Variants in FRMD5 observed in about 807,000 individuals in gnomAD.
FRMD5 encodes FERM domain containing 5.
In FRMD5, 20 loss-of-function variants were observed where a neutral mutation model predicts 69.0. The ratio of observed to expected loss-of-function variants is 0.29; its 90% CI spans 0.20 to 0.42. The LOEUF (loss-of-function observed/expected upper bound fraction) is 0.42. Ranked by LOEUF, FRMD5 falls within the 10% of genes least tolerant of loss-of-function variation. FRMD5 has a pLI of 1.00. For synonymous variants in FRMD5, 271 were observed against 260.1 expected (o/e 1.04, Z -0.40); for missense variants, 595 against 708.6 (o/e 0.84, Z 1.82).
At chr15:44,196,752 T>TCTCTCTC (rs1566999527), upstream of FRMD5, among the ~76,000 whole-genome samples, 125 of 71,990 alleles carry the variant, frequency 1.7e-3, no homozygotes, top group African/African-American at 5.2e-3. Flanking sequence ...CTCTCTCTCT[T>TCTCTCTC]TCTCTCTCTC....
At chr15:43,904,122 G>A (rs1483047365) in intron 6 of FRMD5, among the ~76,000 whole-genome samples, 1 of 152,214 alleles carries the variant, frequency 6.6e-6, no homozygotes, top group East Asian at 1.9e-4. Flanking sequence ...CAAGGCATGG[G>A]CAGAGGGGTC....
intron 4 of FRMD5, among the ~76,000 whole-genome samples, chr15:43,917,124 A>C (rs970450889): frequency 1.8e-4 from 28 of 152,072 alleles, no homozygotes; most frequent in African/African-American, 6.8e-4. Flanking sequence ...CAAGATAACC[A>C]TACATTTCCA....
At chr15:44,059,049 C>A (rs1739419698) in intron 1 of FRMD5, among the ~76,000 whole-genome samples, 1 of 152,146 alleles carries the variant, frequency 6.6e-6, no homozygotes, top group African/African-American at 2.4e-5. Context: ...ACCTGTGCAA[C>A]TGGCAGAGAA....
At chr15:44,046,112 A>C (rs1455295852) in intron 1 of FRMD5, among the ~76,000 whole-genome samples, 2 of 152,178 alleles carry the variant, frequency 1.3e-5, no homozygotes, top group Admixed American at 6.5e-5. Flanking sequence ...GACAGAGTAC[A>C]TACTCAGCAA....
chr15:44,070,323 G>GAAAAAAAAAAAAAAAAAA (rs77770563), intron 1 of FRMD5, among the ~76,000 whole-genome samples: 1 of 132,640 alleles, frequency 7.5e-6, no homozygotes, highest in Non-Finnish European at 1.6e-5. Flanking sequence ...ATAAAAATAA[G>GAAAAAAAAAAAAAAAAAA]AAAAAAAAAA....
chr15:43,941,187 T>C (rs1288195766), intron 1 of FRMD5, among the ~76,000 whole-genome samples: 1 of 152,096 alleles, frequency 6.6e-6, no homozygotes, highest in Non-Finnish European at 1.5e-5. Flanking sequence ...AGCAACATGG[T>C]GAAACCCCAT....
At chr15:43,992,232 G>A (rs374902990) in intron 1 of FRMD5, among the ~76,000 whole-genome samples, 10 of 151,974 alleles carry the variant, frequency 6.6e-5, no homozygotes, top group East Asian at 1.9e-4. Context: ...TTAATCTGAC[G>A]TGGAGTTTTA....
intron 12 of FRMD5, among the ~76,000 whole-genome samples, chr15:43,884,408 C>T (rs924200854): frequency 6.6e-6 from 1 of 152,130 alleles, no homozygotes; most frequent in African/African-American, 2.4e-5. Context: ...TTCATATGAT[C>T]GACTGGTTCC....
At chr15:44,019,199 G>T (rs182355147) in intron 1 of FRMD5, among the ~76,000 whole-genome samples, 38 of 151,994 alleles carry the variant, frequency 2.5e-4, no homozygotes, top group African/African-American at 9.2e-4. Flanking sequence ...TGGCTGATGT[G>T]GGCATATATT....
At chr15:44,109,078 A>T (rs2076761309) in intron 1 of FRMD5, among the ~76,000 whole-genome samples, 1 of 152,136 alleles carries the variant, frequency 6.6e-6, no homozygotes, top group African/African-American at 2.4e-5. Flanking sequence ...GGCCCATAAT[A>T]TGTACTCAAT....
intron 1 of FRMD5, among the ~76,000 whole-genome samples, chr15:43,999,917 G>GTA (rs1566889535): frequency 4.3e-4 from 3 of 6,940 alleles, no homozygotes; most frequent in East Asian, 0.027. Context: ...ATTTGTGTGT[G>GTA]TGTATGTATA....
At chr15:44,187,294 T>G (rs2078118121) in intron 1 of FRMD5, among the ~76,000 whole-genome samples, 1 of 152,214 alleles carries the variant, frequency 6.6e-6, no homozygotes, top group Non-Finnish European at 1.5e-5. Context: ...TATACAATTT[T>G]AGAATTAGAT....
chr15:44,114,182 A>T (rs1268340988), intron 1 of FRMD5, among the ~76,000 whole-genome samples: 1 of 152,188 alleles, frequency 6.6e-6, no homozygotes, highest in East Asian at 1.9e-4. Context: ...GTATAAATGG[A>T]GTTTTTAGAA....
intron 1 of FRMD5, among the ~76,000 whole-genome samples, chr15:43,999,967 T>TATATGCCATGC (rs55916455): frequency 0.17 from 6,858 of 41,102 alleles, 2,335 homozygotes; most frequent in Non-Finnish European, 0.27. Context: ...TATATATATA[T>TATATGCCATGC]ATATATATAT....
chr15:43,970,159 G>A (rs747757076), intron 1 of FRMD5, among the ~76,000 whole-genome samples: 1 of 152,174 alleles, frequency 6.6e-6, no homozygotes, highest in Non-Finnish European at 1.5e-5. Flanking sequence ...GAACCAGGTG[G>A]AAGTTTCTTT....
intron 1 of FRMD5, among the ~76,000 whole-genome samples, chr15:44,069,450 TAAAC>T (rs1364918443): frequency 2.0e-5 from 3 of 152,050 alleles, no homozygotes; most frequent in Non-Finnish European, 2.9e-5. Context: ...AGGTAAAGGT[TAAAC>T]AAACTGTTAT....
intron 1 of FRMD5, among the ~76,000 whole-genome samples, chr15:44,124,017 G>A (rs1595492147): frequency 6.6e-6 from 1 of 151,994 alleles, no homozygotes; most frequent in East Asian, 1.9e-4. Flanking sequence ...TTGAGACAGA[G>A]TTTTGCTCTT....
intron 1 of FRMD5, among the ~76,000 whole-genome samples, chr15:44,152,505 G>C (rs944686986): frequency 6.6e-6 from 1 of 152,140 alleles, no homozygotes; most frequent in South Asian, 2.1e-4. Context: ...CAGAATAAGC[G>C]TATGTTTAAT....
intron 4 of FRMD5, 48 bp from the exon 5 acceptor site, chr15:43,910,027 T>G (rs372530605): frequency 1.2e-5 from 13 of 1,101,612 alleles, no homozygotes; most frequent in Non-Finnish European, 1.8e-5. Flanking sequence ...TTTGATTGCT[T>G]TAAAGATAGA....
Sources: gnomAD v4.1 joint callset for allele counts (sites outside exome capture counted in the v4.1 genomes callset) on GRCh38, gnomAD v4.1.1 for gene constraint, MANE v1.5 for transcripts, NCBI Gene and HGNC (gene_info 2026-07-23, HGNC 2026-07-21) for gene names.